The following DCBLD1 variants were observed in gnomAD, a reference collection of about 807,000 sequenced individuals.
DCBLD1 encodes discoidin, CUB and LCCL domain-containing protein 1.
DCBLD1 carries 57 observed loss-of-function variants against 71.5 expected under a neutral mutation model. The ratio of observed to expected loss-of-function variants is 0.80; its 90% CI spans 0.64 to 0.99. The LOEUF (loss-of-function observed/expected upper bound fraction) is 0.99, where lower values mean the gene tolerates loss of function less well. Ranked by LOEUF, DCBLD1 falls within the 50% of genes least tolerant of loss-of-function variation. The pLI is 0.00. For missense variants in DCBLD1, 891 were observed against 923.5 expected (o/e 0.96, Z 0.46); for synonymous variants, 380 against 363.8 (o/e 1.04, Z -0.51).
chr6:117,567,499 A>T lies in DCBLD1; in HGVS notation c.1616-2121A>T, dbSNP rs115460895. 7.9e-3 allele frequency among the ~76,000 whole-genome samples: 1,210 copies of T among 152,286 alleles called. 13 individuals carry two copies. The highest frequency in any genetic ancestry group is 0.027 in the African/African-American group (1,103 of 41,552). On this transcript the variant is annotated intron_variant, in intron 14 of 14. Transcript: ENST00000296955. ...ATGATTTTTGTACACTGCCATAAGGACATCATATAAATCTTTTCTTAACTA... is the reference window on the plus strand; with the variant it reads ...ATGATTTTTGTACACTGCCATAAGGTCATCATATAAATCTTTTCTTAACTA...
At chr6:117,555,356 A>G (rs560522742) in intron 14 of DCBLD1, among the ~76,000 whole-genome samples, 1 of 152,090 alleles carries the variant, frequency 6.6e-6, no homozygotes, top group African/African-American at 2.4e-5. Context: ...TTTTCCTCTG[A>G]AAAATCAGGG....
chr6:117,544,686 C>T (rs1204362263), intron 13 of DCBLD1, 109 bp downstream of exon 13: 28 of 1,200,506 alleles, frequency 2.3e-5, no homozygotes, highest in Non-Finnish European at 3.2e-5. Flanking sequence ...GGTTAAAAGA[C>T]ATAAGCCCTG....
rs1048201283 is a variant in DCBLD1 at position 117,540,831 on chromosome 6, A to G, written c.1249+16A>G. On this transcript the variant is annotated intron_variant, in intron 10 of 14. Coordinates refer to ENST00000338728, the MANE Select transcript of DCBLD1 (RefSeq NM_001366458.2). ...ATTACACAAGGTAGGGCTCAGGGCA[A>G]GCCAGTGAGTTACTCAAGTTTGGTC... 1.2e-6 allele frequency: 2 copies of G among 1,614,116 alleles called. No individual in the cohort carries two copies. Among genetic ancestry groups the G allele is most frequent in the Non-Finnish European group, 8.5e-7 (1 of 1,180,044 alleles).
intron 1 of DCBLD1, among the ~76,000 whole-genome samples, chr6:117,484,585 G>A (rs1217063883): frequency 1.3e-5 from 2 of 152,180 alleles, no homozygotes; most frequent in Non-Finnish European, 2.9e-5. Flanking sequence ...CTGAGCTCAA[G>A]TGATCCACCC....
intron 5 of DCBLD1, among the ~76,000 whole-genome samples, chr6:117,531,587 G>C (rs764688262): frequency 1.4e-4 from 21 of 152,204 alleles, no homozygotes; most frequent in Non-Finnish European, 2.8e-4. Context: ...CTGGCTTTTT[G>C]ATGCCTCCTG....
intron 14 of DCBLD1, among the ~76,000 whole-genome samples, chr6:117,565,046 C>T (rs571932604): frequency 6.6e-6 from 1 of 152,068 alleles, no homozygotes; most frequent in South Asian, 2.1e-4. Context: ...CTGATGTTTC[C>T]CATATTAGTA....
Position 117,549,464 on chromosome 6 carries a change from C to G in DCBLD1, c.*1025C>G. On this transcript the variant is annotated 3_prime_UTR_variant, in exon 15 of 15. Coordinates refer to ENST00000338728, the MANE Select transcript of DCBLD1 (RefSeq NM_001366458.2). ...GAGGCGTCTGTAATTCCAGAACAGTCCAGACATCAGCTGTACCTCATGCTC... is the reference window on the plus strand; with the variant it reads ...GAGGCGTCTGTAATTCCAGAACAGTGCAGACATCAGCTGTACCTCATGCTC... The G allele has an allele frequency of 1.0e-6, 1 of 985,342 alleles. No individual in the cohort carries two copies. The highest frequency in any genetic ancestry group is 1.2e-6 in the Non-Finnish European group (1 of 829,928). The allele number at this position is 985,342 out of a possible 1,614,324, so 61.0% of individuals were successfully genotyped here.
chr6:117,513,865 A>C (rs1363284016), intron 2 of DCBLD1, among the ~76,000 whole-genome samples: 1 of 152,154 alleles, frequency 6.6e-6, no homozygotes, highest in Non-Finnish European at 1.5e-5. Flanking sequence ...CTTTGTAAAC[A>C]TTTAAATATA....
intron 2 of DCBLD1, among the ~76,000 whole-genome samples, chr6:117,512,522 T>C (rs577205497): frequency 6.6e-6 from 1 of 152,270 alleles, no homozygotes; most frequent in African/African-American, 2.4e-5. Flanking sequence ...CAAAAACAAA[T>C]TGAAAATGGA....
At chr6:117,494,672 A>T (rs1204319951) in intron 1 of DCBLD1, 1 of 152,282 alleles carries the variant, frequency 6.6e-6, no homozygotes, top group Non-Finnish European at 1.5e-5. Context: ...GATGCCCACA[A>T]AGGACTTGTA....
chr6:117,522,836 C>G (rs1051758913), intron 4 of DCBLD1, among the ~76,000 whole-genome samples: 2 of 152,102 alleles, frequency 1.3e-5, no homozygotes, highest in African/African-American at 4.8e-5. Context: ...CTGTTACATC[C>G]TAAAAACCAA....
At chr6:117,498,600 G>A (rs770981871) in intron 1 of DCBLD1, among the ~76,000 whole-genome samples, 6 of 151,968 alleles carry the variant, frequency 3.9e-5, no homozygotes, top group Non-Finnish European at 5.9e-5. Flanking sequence ...TCATAAGATC[G>A]TGGTTTTATT....
downstream of DCBLD1, among the ~76,000 whole-genome samples, chr6:117,553,094 A>G (rs210625): frequency 0.61 from 92,402 of 151,960 alleles, 28,327 homozygotes; most frequent in South Asian, 0.74. Context: ...AACTATTCAC[A>G]CTGTGGCTGT....
At chr6:117,521,497 T>C (rs1778383346) in intron 3 of DCBLD1, 28 bp from the exon 4 acceptor site, 2 of 1,540,640 alleles carry the variant, frequency 1.3e-6, no homozygotes, top group South Asian at 2.4e-5. Context: ...TTCATTCTAT[T>C]AATTGCAATT....
chr6:117,547,028 G>T (rs779329215), intron 14 of DCBLD1, among the ~76,000 whole-genome samples: 1 of 152,094 alleles, frequency 6.6e-6, no homozygotes, highest in Admixed American at 6.5e-5. Context: ...CCTGATTCCT[G>T]TCCCAAAGGG....
intron 14 of DCBLD1, 134 bp from the exon 15 acceptor site, chr6:117,547,773 C>G (rs1779317967): frequency 2.0e-6 from 3 of 1,534,896 alleles, no homozygotes; most frequent in South Asian, 2.4e-5. Context: ...GGGTTTTCCG[C>G]AGTGCCTGGG....
intron 8 of DCBLD1, 155 bp downstream of exon 8, chr6:117,538,990 C>A: frequency 1.1e-6 from 1 of 876,634 alleles, no homozygotes. Flanking sequence ...TACATTCTTT[C>A]TGTGAAAAGA....
intron 14 of DCBLD1, among the ~76,000 whole-genome samples, chr6:117,563,870 C>T (rs2114598873): frequency 6.6e-6 from 1 of 152,020 alleles, no homozygotes; most frequent in African/African-American, 2.4e-5. Flanking sequence ...CAGGGGAATT[C>T]TTCCCTCTTA....
At chr6:117,531,735 T>C (rs1778726861) in intron 5 of DCBLD1, among the ~76,000 whole-genome samples, 1 of 152,378 alleles carries the variant, frequency 6.6e-6, no homozygotes, top group East Asian at 1.9e-4. Flanking sequence ...TTGATAAATC[T>C]CTAATTTAAA....
Sources: allele counts gnomAD v4.1 joint callset (sites outside exome capture counted in the v4.1 genomes callset), GRCh38; gene constraint gnomAD v4.1.1; transcripts MANE v1.5; gene names NCBI Gene and HGNC (gene_info 2026-07-23, HGNC 2026-07-21).